The following ADAD1 variants were observed in gnomAD, a reference collection of about 807,000 sequenced individuals.
ADAD1 encodes the protein adenosine deaminase domain containing 1, also known as adenosine deaminase domain-containing protein 1.
Under a neutral mutation model 66.8 loss-of-function variants are expected in ADAD1, and 46 were observed. The observed-to-expected ratio is 0.69, with a 90% CI of 0.54 to 0.88. The LOEUF (loss-of-function observed/expected upper bound fraction) is 0.88. ADAD1 is among the 40% of genes least tolerant of loss of function. The pLI, the probability that ADAD1 is intolerant of heterozygous loss-of-function variation, is 0.00. For synonymous variants in ADAD1, 248 were observed against 229.4 expected (o/e 1.08, Z -0.73); for missense variants, 617 against 681.8 (o/e 0.91, Z 1.06).
Position 122,379,401 on chromosome 4 carries a change from G to A in ADAD1, c.-53G>A, listed in dbSNP as rs1011264517. 1 of 152,432 alleles carries A rather than the reference G, an allele frequency of 6.6e-6. No homozygotes were observed. Among genetic ancestry groups the A allele is most frequent in the Admixed American group, 6.5e-5 (1 of 15,292 alleles). 9.4% of individuals were successfully genotyped at this position (152,432 alleles called of 1,614,324 possible). On this transcript the variant is annotated 5_prime_UTR_variant, in exon 2 of 13. Coordinates refer to ENST00000296513, the MANE Select transcript of ADAD1 (RefSeq NM_139243.4). ...CGCAAGACGCGGAGCTCGGCTGCACGACGCTGGCGCAAGCGCGGGGGCAAG... is the reference window on the plus strand; with the variant it reads ...CGCAAGACGCGGAGCTCGGCTGCACAACGCTGGCGCAAGCGCGGGGGCAAG...
chr4:122,396,602 C>T (rs1369615130), intron 7 of ADAD1, among the ~76,000 whole-genome samples: 1 of 152,188 alleles, frequency 6.6e-6, no homozygotes, highest in Admixed American at 6.5e-5. Flanking sequence ...CATTTTAAAC[C>T]TTAGCCCTGC....
chr4:122,393,903 T>C (rs76992382), intron 6 of ADAD1, among the ~76,000 whole-genome samples: 1 of 152,208 alleles, frequency 6.6e-6, no homozygotes, highest in Non-Finnish European at 1.5e-5. Flanking sequence ...ATCAATTTCA[T>C]ACATCTTTTT....
At chr4:122,418,274 T>C (rs1796835086) in intron 11 of ADAD1, among the ~76,000 whole-genome samples, 1 of 150,728 alleles carries the variant, frequency 6.6e-6, no homozygotes, top group African/African-American at 2.4e-5. Flanking sequence ...AAAACTTATA[T>C]ATAGAAGGAG....
intron 5 of ADAD1, among the ~76,000 whole-genome samples, chr4:122,387,191 GTT>G (rs1795212109): frequency 6.6e-6 from 1 of 152,112 alleles, no homozygotes; most frequent in Non-Finnish European, 1.5e-5. Flanking sequence ...TTTTCCATTT[GTT>G]TGTGTCCTCT....
chr4:122,415,725 A>C, intron 11 of ADAD1, 109 bp downstream of exon 11: 1 of 955,280 alleles, frequency 1.0e-6, no homozygotes, highest in Non-Finnish European at 1.6e-6. Flanking sequence ...ACTCTGAACA[A>C]TAATTATTAT....
chr4:122,393,718 ACAT>A, intron 6 of ADAD1, 61 bp downstream of exon 6: 1 of 1,299,018 alleles, frequency 7.7e-7, no homozygotes, highest in Non-Finnish European at 1.1e-6. Context: ...AATAGTAACA[ACAT>A]AATTAAAATA....
chr4:122,422,944 C>T (rs1797067346), intron 12 of ADAD1, among the ~76,000 whole-genome samples: 2 of 135,792 alleles, frequency 1.5e-5, no homozygotes, highest in Non-Finnish European at 3.1e-5. Flanking sequence ...AGAGCAAGAC[C>T]CTATTTCTCT....
intron 8 of ADAD1, among the ~76,000 whole-genome samples, chr4:122,408,490 G>C (rs1340726185): frequency 6.6e-6 from 1 of 152,150 alleles, no homozygotes. Flanking sequence ...TGGTCAGGCT[G>C]GTCTTGAACT....
intron 5 of ADAD1, among the ~76,000 whole-genome samples, chr4:122,389,740 G>C (rs566108234): frequency 6.6e-6 from 1 of 152,082 alleles, no homozygotes; most frequent in African/African-American, 2.4e-5. Flanking sequence ...TTTTGAGCCT[G>C]TGTGTGTCTT....
intron 5 of ADAD1, 149 bp downstream of exon 5, chr4:122,384,115 T>A: frequency 1.3e-6 from 1 of 750,104 alleles, no homozygotes; most frequent in Non-Finnish European, 2.1e-6. Context: ...TGTCCACTGA[T>A]GTATTTAATA....
chr4:122,403,047 G>A (rs1464264623), intron 7 of ADAD1, among the ~76,000 whole-genome samples: 1 of 152,084 alleles, frequency 6.6e-6, no homozygotes, highest in Admixed American at 6.6e-5. Flanking sequence ...TGAACTTTTG[G>A]GGGTGTTACA....
intron 10 of ADAD1, among the ~76,000 whole-genome samples, chr4:122,414,943 G>C (rs1274248091): frequency 6.9e-6 from 1 of 145,794 alleles, no homozygotes; most frequent in Non-Finnish European, 1.5e-5. Flanking sequence ...TATTGGCAAA[G>C]TTGTAATTTG....
chr4:122,413,844 G>T (rs1288829567), intron 10 of ADAD1, among the ~76,000 whole-genome samples: 1 of 82,904 alleles, frequency 1.2e-5, no homozygotes, highest in Non-Finnish European at 2.3e-5. Flanking sequence ...TGCTGCTTAT[G>T]ATAGATCATA....
chr4:122,419,713 C>A (rs571301209), intron 11 of ADAD1, among the ~76,000 whole-genome samples: 1 of 151,934 alleles, frequency 6.6e-6, no homozygotes, highest in Non-Finnish European at 1.5e-5. Flanking sequence ...AAGATAGTAA[C>A]GTAATAGAAA....
intron 11 of ADAD1, 88 bp from the exon 12 acceptor site, chr4:122,421,173 T>G: frequency 1.9e-6 from 2 of 1,031,726 alleles, no homozygotes; most frequent in Non-Finnish European, 2.6e-6. Flanking sequence ...AGAAATATTT[T>G]GTAGATCCAT....
chr4:122,423,311 A>G (rs550173351), intron 12 of ADAD1, among the ~76,000 whole-genome samples: 8 of 152,340 alleles, frequency 5.3e-5, no homozygotes, highest in African/African-American at 1.7e-4. Flanking sequence ...GGCAAGTGGT[A>G]GGCCAACTAG....
chr4:122,408,016 G>A lies in ADAD1; in HGVS notation c.833G>A (p.Arg278Lys). Residue 278 changes from arginine to lysine, a missense_variant, in exon 8 of 13, where the codon AGA (arginine) becomes AAA (lysine). Arg to Lys is a conservative substitution (Grantham distance 26). Coordinates refer to ENST00000296513, the MANE Select transcript of ADAD1 (RefSeq NM_139243.4). ...LHDTHAVVTA[R>K]RSLLRYFYRQ... ...GACACTCATGCTGTTGTTACAGCAA[G>A]AAGGTCTCTTCTTAGGTAAGACAAT... The A allele has an allele frequency of 6.2e-7, 1 of 1,613,062 alleles. No homozygotes were observed. The highest frequency in any genetic ancestry group is 8.5e-7 in the Non-Finnish European group (1 of 1,179,420).
intron 6 of ADAD1, among the ~76,000 whole-genome samples, chr4:122,394,420 A>G (rs1400914566): frequency 6.6e-6 from 1 of 152,204 alleles, no homozygotes; most frequent in Non-Finnish European, 1.5e-5. Flanking sequence ...TAAGAGGAAA[A>G]AGGAAAGGAG....
Position 122,412,635 on chromosome 4 carries a change from C to T in ADAD1, c.1075C>T (p.His359Tyr). Reference sequence around the variant, plus strand: ...TGAAGCCAATGAAGAACTCTGTCTCCACGTGGCTGTTGAAGGCAAAATTTA... The same window carrying T: ...TGAAGCCAATGAAGAACTCTGTCTCTACGTGGCTGTTGAAGGCAAAATTTA... Reference protein sequence around the residue: ...AFEANEELCLHVAVEGKIYLT... With the variant: ...AFEANEELCLYVAVEGKIYLT... The change falls in exon 10 of 13, where the codon CAC (histidine) becomes TAC (tyrosine). Residue 359 changes from histidine to tyrosine, a missense_variant. His to Tyr is a moderately conservative substitution (Grantham distance 83). Coordinates refer to ENST00000296513, the MANE Select transcript of ADAD1 (RefSeq NM_139243.4). 6.2e-7 allele frequency: 1 copy of T among 1,613,846 alleles called. No individual in the cohort carries two copies. Among genetic ancestry groups the T allele is most frequent in the Non-Finnish European group, 8.5e-7 (1 of 1,179,778 alleles).
Sources: gnomAD v4.1 joint callset for allele counts (sites outside exome capture counted in the v4.1 genomes callset) on GRCh38, gnomAD v4.1.1 for gene constraint, MANE v1.5 for transcripts, NCBI Gene and HGNC (gene_info 2026-07-23, HGNC 2026-07-21) for gene names.